The following TMEM117 variants were observed in gnomAD, a reference collection of about 807,000 sequenced individuals.
The protein encoded by TMEM117 is transmembrane protein 117.
TMEM117 carries 27 observed loss-of-function variants against 52.4 expected under a neutral mutation model. The observed-to-expected ratio is 0.51, with a 90% CI of 0.38 to 0.71. The LOEUF is 0.71. Among genes scored for constraint, TMEM117 ranks in the 30% least tolerant of loss-of-function variants. The pLI is 0.00. For missense variants in TMEM117, 556 were observed against 630.5 expected, an observed-to-expected ratio of 0.88 and a Z score of 1.26; for synonymous variants, 215 against 206.3, an observed-to-expected ratio of 1.04 and a Z score of -0.36.
At chr12:43,831,733 G>A (rs773870825), upstream of TMEM117, among the ~76,000 whole-genome samples, 3 of 151,954 alleles carry the variant, frequency 2.0e-5, no homozygotes, top group African/African-American at 4.8e-5. Context: ...TGGTAGAGAT[G>A]GGGTTTCACC....
intron 4 of TMEM117, among the ~76,000 whole-genome samples, chr12:44,161,429 A>G (rs1948896944): frequency 6.6e-6 from 1 of 152,210 alleles, no homozygotes; most frequent in South Asian, 2.1e-4. Context: ...CATGGAACTT[A>G]TGTCATGATA....
chr12:44,009,039 C>T, intron 3 of TMEM117: 2 of 378,548 alleles, frequency 5.3e-6, no homozygotes, highest in Non-Finnish European at 1.0e-5. Flanking sequence ...GAAGCTTTTC[C>T]CACATTCCTG....
the TMEM117 span, among the ~76,000 whole-genome samples, chr12:43,827,219 G>C: frequency 3.3e-5 from 5 of 151,840 alleles, no homozygotes; most frequent in African/African-American, 1.2e-4. Flanking sequence ...TTGATGCTCT[G>C]ATTCTACCTG....
At chr12:44,065,494 T>A (rs1212764787) in intron 3 of TMEM117, among the ~76,000 whole-genome samples, 1 of 152,200 alleles carries the variant, frequency 6.6e-6, no homozygotes, top group Non-Finnish European at 1.5e-5. Context: ...TAGTACCTAG[T>A]ACAGTTTCTG....
chr12:44,228,246 G>A (rs1268399347), intron 5 of TMEM117, among the ~76,000 whole-genome samples: 6 of 152,002 alleles, frequency 3.9e-5, no homozygotes, highest in South Asian at 2.1e-4. Flanking sequence ...CAGTCACCCC[G>A]AGAGAGATCA....
the TMEM117 span, among the ~76,000 whole-genome samples, chr12:43,804,922 T>C: frequency 2.0e-5 from 3 of 152,226 alleles, no homozygotes; most frequent in Non-Finnish European, 4.4e-5. Context: ...GAAAACCTGC[T>C]TTCATTCTCT....
At chr12:43,932,601 G>A (rs1019067850) in intron 2 of TMEM117, among the ~76,000 whole-genome samples, 2 of 152,108 alleles carry the variant, frequency 1.3e-5, no homozygotes, top group African/African-American at 4.8e-5. Flanking sequence ...GTGACTATTG[G>A]TGGGTTATTT....
At chr12:44,247,493 A>G (rs1950145132) in intron 5 of TMEM117, among the ~76,000 whole-genome samples, 1 of 152,240 alleles carries the variant, frequency 6.6e-6, no homozygotes, top group Non-Finnish European at 1.5e-5. Context: ...GTTATATTTC[A>G]GTGCATTTAT....
intron 3 of TMEM117, among the ~76,000 whole-genome samples, chr12:43,972,546 C>T (rs1945606672): frequency 6.6e-6 from 1 of 152,186 alleles, no homozygotes. Flanking sequence ...TGTCCCTGCT[C>T]ACGTCCTGCT....
At chr12:43,871,734 TAAG>T (rs1187731997) in intron 2 of TMEM117, among the ~76,000 whole-genome samples, 3 of 152,224 alleles carry the variant, frequency 2.0e-5, no homozygotes, top group Non-Finnish European at 4.4e-5. Context: ...TGTATGCTAA[TAAG>T]AAGCTAATAA....
At chr12:44,096,579 T>C (rs1213574790) in intron 3 of TMEM117, among the ~76,000 whole-genome samples, 2 of 151,582 alleles carry the variant, frequency 1.3e-5, no homozygotes, top group East Asian at 1.9e-4. Context: ...AACTATCTGA[T>C]CTTTGACAAA....
At chr12:44,161,501 G>A (rs1255086513) in intron 4 of TMEM117, among the ~76,000 whole-genome samples, 2 of 152,160 alleles carry the variant, frequency 1.3e-5, no homozygotes, top group East Asian at 3.9e-4. Flanking sequence ...TAAAAGGAAA[G>A]TGAGGGACTA....
intron 3 of TMEM117, among the ~76,000 whole-genome samples, chr12:44,096,465 A>G (rs1475406112): frequency 1.3e-5 from 2 of 152,120 alleles, no homozygotes; most frequent in Non-Finnish European, 2.9e-5. Context: ...TTCAAACTAT[A>G]CTACAGGGCT....
intron 5 of TMEM117, among the ~76,000 whole-genome samples, chr12:44,237,372 A>G (rs1950010252): frequency 6.6e-6 from 1 of 151,826 alleles, no homozygotes; most frequent in Admixed American, 6.6e-5. Context: ...CATATTCTAC[A>G]TTGTAATTTA....
chr12:44,135,898 C>T (rs756024975), intron 3 of TMEM117, among the ~76,000 whole-genome samples: 6 of 152,140 alleles, frequency 3.9e-5, no homozygotes, highest in Non-Finnish European at 7.4e-5. Flanking sequence ...TAAAATTGAA[C>T]TTGGTTTTTG....
chr12:44,046,786 T>C (rs1253415254), intron 3 of TMEM117, among the ~76,000 whole-genome samples: 1 of 152,222 alleles, frequency 6.6e-6, no homozygotes, highest in Non-Finnish European at 1.5e-5. Flanking sequence ...TTATTTCCTT[T>C]TCCTTTATCA....
chr12:44,185,329 C>G (rs945071916), intron 4 of TMEM117, among the ~76,000 whole-genome samples: 1 of 151,922 alleles, frequency 6.6e-6, no homozygotes, highest in Non-Finnish European at 1.5e-5. Flanking sequence ...TGTTCCATCA[C>G]GAAAATTAGA....
chr12:44,109,947 G>T (rs545988810), intron 3 of TMEM117, among the ~76,000 whole-genome samples: 1 of 89,988 alleles, frequency 1.1e-5, no homozygotes, highest in Non-Finnish European at 2.1e-5. Flanking sequence ...GGATTCCTAG[G>T]TATTTTATTC....
intron 6 of TMEM117, among the ~76,000 whole-genome samples, chr12:44,355,252 C>G (rs1951630709): frequency 1.3e-5 from 2 of 151,922 alleles, no homozygotes; most frequent in African/African-American, 4.8e-5. Context: ...TTAGACTGAT[C>G]AAATTTGTGT....
Sources: allele counts gnomAD v4.1 joint callset (sites outside exome capture counted in the v4.1 genomes callset), GRCh38; gene constraint gnomAD v4.1.1; transcripts MANE v1.5; gene names NCBI Gene and HGNC (gene_info 2026-07-23, HGNC 2026-07-21).